ANO6: variants seen among roughly 807,000 people sequenced by gnomAD.
ANO6 encodes the protein anoctamin 6, also known as anoctamin-6.
A neutral mutation model predicts 117.5 loss-of-function variants in ANO6; 106 were observed. That is an observed-to-expected ratio of 0.90 (90% CI 0.77 to 1.06). The LOEUF (loss-of-function observed/expected upper bound fraction) is 1.06, where lower values mean the gene tolerates loss of function less well. Ranked by LOEUF, ANO6 falls within the 50% of genes least tolerant of loss-of-function variation. The pLI is 0.00. For synonymous variants in ANO6, 367 were observed against 385.1 expected (o/e 0.95, Z 0.55); for missense variants, 955 against 1,121.1 (o/e 0.85, Z 2.12).
intron 2 of ANO6, among the ~76,000 whole-genome samples, chr12:45,305,734 G>A (rs1419222950): frequency 6.6e-6 from 1 of 152,088 alleles, no homozygotes; most frequent in Non-Finnish European, 1.5e-5. Flanking sequence ...GGATGGGGAG[G>A]CGTCCACATG....
chr12:45,229,872 A>AC (rs904190385), intron 1 of ANO6, among the ~76,000 whole-genome samples: 2 of 95,368 alleles, frequency 2.1e-5, no homozygotes, highest in Non-Finnish European at 4.1e-5. Context: ...CTTCCCGCCC[A>AC]CCCCCCACCC....
intron 15 of ANO6, among the ~76,000 whole-genome samples, chr12:45,405,489 C>A (rs543866443): frequency 2.6e-5 from 4 of 152,284 alleles, no homozygotes; most frequent in African/African-American, 9.6e-5. Flanking sequence ...TCAAATTTCT[C>A]CCCCTATGTT....
intron 1 of ANO6, among the ~76,000 whole-genome samples, chr12:45,265,493 G>T (rs1938185264): frequency 6.6e-6 from 1 of 152,162 alleles, no homozygotes; most frequent in South Asian, 2.1e-4. Context: ...TGTCTTGAGT[G>T]CTTACTGTCA....
intron 3 of ANO6, among the ~76,000 whole-genome samples, chr12:45,341,932 G>A (rs1940991017): frequency 6.6e-6 from 1 of 152,088 alleles, no homozygotes; most frequent in Admixed American, 6.6e-5. Flanking sequence ...TATCTACAGC[G>A]CTTATCATAT....
At chr12:45,379,786 A>G (rs189449323) in intron 10 of ANO6, among the ~76,000 whole-genome samples, 2 of 152,382 alleles carry the variant, frequency 1.3e-5, no homozygotes, top group East Asian at 3.9e-4. Context: ...CACCATGGTT[A>G]TAGAACTGAC....
intron 15 of ANO6, among the ~76,000 whole-genome samples, chr12:45,403,925 T>C (rs905216590): frequency 5.9e-5 from 9 of 152,182 alleles, no homozygotes; most frequent in Non-Finnish European, 1.3e-4. Context: ...ATTATGCATT[T>C]AAAAGTCAGT....
intron 2 of ANO6, among the ~76,000 whole-genome samples, chr12:45,324,874 C>T (rs1187864644): frequency 6.6e-6 from 1 of 152,162 alleles, no homozygotes; most frequent in East Asian, 1.9e-4. Context: ...GGACTGCTAA[C>T]CTGACACAGG....
intron 12 of ANO6, among the ~76,000 whole-genome samples, chr12:45,399,149 T>G (rs577643452): frequency 1.4e-4 from 21 of 152,286 alleles, no homozygotes; most frequent in African/African-American, 5.1e-4. Context: ...GCTGAAGCAT[T>G]TCAGATGTCA....
intron 2 of ANO6, among the ~76,000 whole-genome samples, chr12:45,308,383 G>T (rs773503578): frequency 7.9e-5 from 12 of 151,948 alleles, no homozygotes; most frequent in Non-Finnish European, 1.2e-4. Context: ...AGGAGATTGC[G>T]GAAGCTTTTT....
chr12:45,351,162 A>G (rs1431292310), intron 7 of ANO6, among the ~76,000 whole-genome samples: 1 of 152,182 alleles, frequency 6.6e-6, no homozygotes, highest in Non-Finnish European at 1.5e-5. Context: ...ACTGTGAATA[A>G]AAAGGCACTC....
chr12:45,407,538 A>G (rs1942974084), intron 15 of ANO6, among the ~76,000 whole-genome samples: 1 of 120,048 alleles, frequency 8.3e-6, no homozygotes. Flanking sequence ...AGCTTATCTC[A>G]GACCTTTTAG....
At chr12:45,402,353 C>T (rs914332099) in intron 13 of ANO6, among the ~76,000 whole-genome samples, 9 of 152,112 alleles carry the variant, frequency 5.9e-5, no homozygotes, top group African/African-American at 1.2e-4. Context: ...GTCATGGTTC[C>T]GGTGGCAAAT....
chr12:45,309,031 T>C (rs2137326430), intron 2 of ANO6, among the ~76,000 whole-genome samples: 1 of 152,130 alleles, frequency 6.6e-6, no homozygotes, highest in South Asian at 2.1e-4. Flanking sequence ...GTAGGTAATG[T>C]AGTTGTGGTC....
intron 16 of ANO6, among the ~76,000 whole-genome samples, chr12:45,410,018 A>C (rs1943045584): frequency 6.6e-6 from 1 of 152,190 alleles, no homozygotes; most frequent in African/African-American, 2.4e-5. Context: ...AGCCTTCCAA[A>C]GTGCTGGGAT....
At chr12:45,217,439 A>G (rs1457342251) in intron 1 of ANO6, among the ~76,000 whole-genome samples, 1 of 152,170 alleles carries the variant, frequency 6.6e-6, no homozygotes, top group Non-Finnish European at 1.5e-5. Flanking sequence ...TTTCTGTTAC[A>G]TTTTGGGCAC....
chr12:45,228,906 C>T (rs1947529805), intron 1 of ANO6, among the ~76,000 whole-genome samples: 1 of 151,882 alleles, frequency 6.6e-6, no homozygotes, highest in Admixed American at 6.6e-5. Flanking sequence ...TGAGACAGGA[C>T]CTTCTTCTCA....
At chr12:45,301,046 T>C (rs974131746) in intron 1 of ANO6, among the ~76,000 whole-genome samples, 3 of 152,216 alleles carry the variant, frequency 2.0e-5, no homozygotes, top group African/African-American at 4.8e-5. Context: ...CAAATGGCTA[T>C]TGAGCTTTTG....
Position 45,430,994 on chromosome 12 carries a change from T to TAA in ANO6, c.*1685_*1686dup. 1 of 985,386 alleles carries TAA rather than the reference T, an allele frequency of 1.0e-6. No individual in the cohort carries two copies. Among genetic ancestry groups the TAA allele is most frequent in the Non-Finnish European group, 1.2e-6 (1 of 829,926 alleles). 61.0% of individuals were successfully genotyped at this position (985,386 alleles called of 1,614,324 possible). ...CTCAGATTTTAGAGGCTTTTTACAA[T>TAA]AAAGTAGCGTAACTCTAGGTCATGA... On this transcript the variant is annotated 3_prime_UTR_variant, in exon 20 of 20. Transcript: ENST00000320560.
Position 45,293,742 on chromosome 12 carries a change from T to TGTTTTG in ANO6, c.71-8272_71-8271insGTTTTG, listed in dbSNP as rs1452772662. Among the ~76,000 whole-genome samples the TGTTTTG allele has an allele frequency of 2.6e-4, 36 of 137,932 alleles. No individual in the cohort carries two copies. The East Asian group carries it at 4.5e-3, about 17-fold the overall frequency. The allele number at this position is 137,932 out of a possible 152,430, so 90.5% of individuals were successfully genotyped here. On this transcript the variant is annotated intron_variant, in intron 1 of 19. Coordinates refer to ENST00000320560, the MANE Select transcript of ANO6 (RefSeq NM_001025356.3). ...TGCCTGGCTAATGTTTTTTTTTTTT[T>TGTTTTG]TTTTTTTTTTTTTTGTATTTTTAGT... is the stretch of plus-strand genomic sequence containing the variant.
Sources: gnomAD v4.1 joint callset for allele counts (sites outside exome capture counted in the v4.1 genomes callset) on GRCh38, gnomAD v4.1.1 for gene constraint, MANE v1.5 for transcripts, NCBI Gene and HGNC (gene_info 2026-07-23, HGNC 2026-07-21) for gene names.